Variants in ALDH18A1 observed in about 807,000 individuals in gnomAD.
ALDH18A1 encodes aldehyde dehydrogenase 18 family member A1, also known as delta-1-pyrroline-5-carboxylate synthase.
In ALDH18A1, 44 loss-of-function variants were observed where a neutral mutation model predicts 88.8. The ratio of observed to expected loss-of-function variants is 0.50; its 90% CI spans 0.39 to 0.64. The LOEUF is 0.64. Ranked by LOEUF, ALDH18A1 falls within the 30% of genes least tolerant of loss-of-function variation. ALDH18A1 has a pLI of 0.00. For missense variants in ALDH18A1, 782 were observed against 1,009.5 expected (o/e 0.77, Z 3.05); for synonymous variants, 331 against 372.1 (o/e 0.89, Z 1.27).
In ALDH18A1 at chr10:95,629,714, A is replaced by G. The variant is rs531446771; in HGVS notation, c.809-1222T>C. ...ACAGTGAGGGGTTCCTAGCATTCTG[A>G]TAATGTGCCTACTCCTCTTTTCCCC... On this transcript the variant is annotated intron_variant, in intron 7 of 17. Transcript: ENST00000371224. Among the ~76,000 whole-genome samples, 5 of 152,274 alleles carry G rather than the reference A, an allele frequency of 3.3e-5. No homozygotes were observed. In the South Asian group the frequency reaches 1.0e-3, roughly 32 times the overall value.
rs780988301 is a variant in ALDH18A1 at position 95,627,558 on chromosome 10, C to G, written c.962G>C (p.Gly321Ala). The G allele has an allele frequency of 6.2e-7, 1 of 1,614,136 alleles. No homozygotes were observed. Among genetic ancestry groups the G allele is most frequent in the South Asian group, 1.1e-5 (1 of 91,090 alleles). Residue 321 changes from glycine (G) to alanine (A), a missense_variant, in exon 9 of 18, where the codon GGT (glycine) becomes GCT (alanine). By Grantham distance (60) the Gly-to-Ala change is moderately conservative (BLOSUM62 0). Around this residue, in one of 3 missense-constraint regions of ALDH18A1, gnomAD observed 556 missense variants for 654.5 expected, o/e 0.85. Coordinates refer to ENST00000371224, the MANE Select transcript of ALDH18A1 (RefSeq NM_002860.4). ...ATTGGCAATAACAACAGAAGTGCCACCTTGCAAAGCCCAGAGGGCTGCTTT... is the reference window on the plus strand; with the variant it reads ...ATTGGCAATAACAACAGAAGTGCCAGCTTGCAAAGCCCAGAGGGCTGCTTT... ...KVKAALWALQ[G>A]GTSVVIANGT... is the part of the protein sequence containing the mutation.
chr10:95,619,064 G>A (rs1325807858), intron 12 of ALDH18A1, among the ~76,000 whole-genome samples: 1 of 152,090 alleles, frequency 6.6e-6, no homozygotes, highest in Admixed American at 6.5e-5. Flanking sequence ...TTGTCTTTGG[G>A]AAACCTATCT....
At chr10:95,616,370 T>C (rs962907725) in intron 13 of ALDH18A1, 107 bp downstream of exon 13, 2 of 1,449,660 alleles carry the variant, frequency 1.4e-6, no homozygotes, top group Non-Finnish European at 1.9e-6. Flanking sequence ...GTGTCAAGTC[T>C]GCTTGTAGTA....
intron 12 of ALDH18A1, among the ~76,000 whole-genome samples, chr10:95,617,564 G>A (rs1237848631): frequency 2.0e-5 from 3 of 152,242 alleles, no homozygotes; most frequent in African/African-American, 7.2e-5. Flanking sequence ...CCATCCAGGA[G>A]GAGGGCTAGT....
intron 3 of ALDH18A1, among the ~76,000 whole-genome samples, chr10:95,642,155 G>A (rs896111195): frequency 1.3e-5 from 2 of 152,206 alleles, no homozygotes; most frequent in African/African-American, 2.4e-5. Flanking sequence ...TCTGTGGGAT[G>A]CCTGGATGTC....
At chr10:95,643,837 A>T (rs908302089) in intron 2 of ALDH18A1, among the ~76,000 whole-genome samples, 1 of 152,112 alleles carries the variant, frequency 6.6e-6, no homozygotes, top group Admixed American at 6.5e-5. Context: ...AAGAAACCAT[A>T]TTACTATAAA....
At chr10:95,654,694 CAT>C (rs897380961) in intron 1 of ALDH18A1, among the ~76,000 whole-genome samples, 5 of 150,698 alleles carry the variant, frequency 3.3e-5, no homozygotes, top group East Asian at 1.9e-4. Context: ...TGTTCTAAAA[CAT>C]ATGGCATCTA....
At chr10:95,634,553 G>A (rs2097877042) in intron 5 of ALDH18A1, among the ~76,000 whole-genome samples, 1 of 152,204 alleles carries the variant, frequency 6.6e-6, no homozygotes, top group Non-Finnish European at 1.5e-5. Context: ...GACTATTACT[G>A]GAGTTAACTA....
intron 13 of ALDH18A1, 120 bp downstream of exon 13, chr10:95,616,357 G>A: frequency 7.3e-7 from 1 of 1,370,762 alleles, no homozygotes; most frequent in East Asian, 2.5e-5. Context: ...CAGGCCTGCT[G>A]GAGTGTCAAG....
chr10:95,619,174 A>G (rs1228651191), intron 12 of ALDH18A1, among the ~76,000 whole-genome samples: 4 of 152,206 alleles, frequency 2.6e-5, no homozygotes. Flanking sequence ...ATCATGAGTG[A>G]ACTCCCATTC....
chr10:95,639,694 C>T (rs2097887731), intron 3 of ALDH18A1, among the ~76,000 whole-genome samples: 1 of 151,862 alleles, frequency 6.6e-6, no homozygotes, highest in Admixed American at 6.6e-5. Context: ...TTTTACCTTG[C>T]TCAAATTGAG....
chr10:95,644,136 C>T (rs1017320825), intron 2 of ALDH18A1, among the ~76,000 whole-genome samples: 1 of 152,046 alleles, frequency 6.6e-6, no homozygotes. Context: ...GAGCAAGACT[C>T]CTTCTCAAAA....
At chr10:95,640,813 G>A (rs1036184105) in intron 3 of ALDH18A1, among the ~76,000 whole-genome samples, 2 of 152,120 alleles carry the variant, frequency 1.3e-5, no homozygotes, top group Admixed American at 6.6e-5. Context: ...GGTAACCTAC[G>A]CAAACCTTTA....
chr10:95,608,422 C>T (rs895894131), intron 17 of ALDH18A1, among the ~76,000 whole-genome samples: 5 of 152,226 alleles, frequency 3.3e-5, no homozygotes, highest in African/African-American at 1.2e-4. Flanking sequence ...CCTTTCATAA[C>T]CTTTTAACAA....
chr10:95,641,445 T>C (rs776782484), intron 3 of ALDH18A1, among the ~76,000 whole-genome samples: 6 of 147,684 alleles, frequency 4.1e-5, no homozygotes, highest in Non-Finnish European at 8.9e-5. Flanking sequence ...ATTTATCTGA[T>C]GGACTCAATC....
chr10:95,619,753 G>A (rs550073049), intron 12 of ALDH18A1, among the ~76,000 whole-genome samples: 3 of 152,292 alleles, frequency 2.0e-5, no homozygotes, highest in African/African-American at 7.2e-5. Context: ...AGCTGAAACT[G>A]GATCCCTTCC....
In ALDH18A1 at chr10:95,637,206, T is replaced by C. The variant is rs775098819; in HGVS notation, c.454-9A>G. The C allele has an allele frequency of 1.9e-5, 31 of 1,614,082 alleles. No individual in the cohort carries two copies. Among genetic ancestry groups the C allele is most frequent in the Non-Finnish European group, 2.6e-5 (31 of 1,180,046 alleles). ...TCTAAGACTGGAATTGCCTGTAATA[T>C]ACCAATGAGACAAGGTGTGGTAGGG... On this transcript the variant is annotated splice_polypyrimidine_tract_variant and intron_variant, in intron 4 of 17. Coordinates refer to ENST00000371224, the MANE Select transcript of ALDH18A1 (RefSeq NM_002860.4).
intron 1 of ALDH18A1, among the ~76,000 whole-genome samples, chr10:95,654,428 T>G (rs1341603451): frequency 6.6e-6 from 1 of 152,086 alleles, no homozygotes; most frequent in Non-Finnish European, 1.5e-5. Flanking sequence ...CTCCCAATAT[T>G]GTAGCTCTTT....
Position 95,606,327 on chromosome 10 carries a change from A to C in ALDH18A1, c.*435T>G. ...AGTTGCCCCTTTTCTAAAATTCCAA[A>C]TCTTTCCTTTTTGAAGATGACTACA... On this transcript the variant is annotated 3_prime_UTR_variant, in exon 18 of 18. Coordinates refer to ENST00000371224, the MANE Select transcript of ALDH18A1 (RefSeq NM_002860.4). 10 of 1,002,292 alleles carry C rather than the reference A, an allele frequency of 1.0e-5. No homozygotes were observed. Among genetic ancestry groups the C allele is most frequent in the Non-Finnish European group, 1.1e-5 (9 of 839,448 alleles). 62.1% of individuals were successfully genotyped at this position (1,002,292 alleles called of 1,614,324 possible).
Sources: gnomAD v4.1 joint callset for allele counts (sites outside exome capture counted in the v4.1 genomes callset) on GRCh38, gnomAD v4.1.1 for gene constraint, gnomAD v4.1.1 regional missense constraint, MANE v1.5 for transcripts, NCBI Gene and HGNC (gene_info 2026-07-23, HGNC 2026-07-21) for gene names.